Variants in RPTOR observed in about 807,000 individuals in gnomAD.
The protein encoded by RPTOR is regulatory associated protein of MTOR complex 1.
RPTOR carries 21 observed loss-of-function variants against 169.9 expected under a neutral mutation model. The ratio of observed to expected loss-of-function variants is 0.12; its 90% CI spans 0.09 to 0.18. RPTOR has a LOEUF of 0.18. Among genes scored for constraint, RPTOR ranks in the 10% least tolerant of loss-of-function variants. The probability of loss-of-function intolerance (pLI) is 1.00; values close to 1 mark genes in which losing one functional copy is unlikely to be tolerated. For synonymous variants in RPTOR, 732 were observed against 753.2 expected, an observed-to-expected ratio of 0.97 and a Z score of 0.46; for missense variants, 1,133 against 1,855.9, an observed-to-expected ratio of 0.61 and a Z score of 7.16.
At chr17:80,687,408 A>T (rs950797363) in intron 3 of RPTOR, among the ~76,000 whole-genome samples, 1 of 152,220 alleles carries the variant, frequency 6.6e-6, no homozygotes, top group African/African-American at 2.4e-5. Flanking sequence ...TCCACAAGGA[A>T]CCACTGTCTT....
intron 1 of RPTOR, among the ~76,000 whole-genome samples, chr17:80,616,925 C>CTAGTT (rs1461652082): frequency 6.6e-6 from 1 of 152,186 alleles, no homozygotes; most frequent in African/African-American, 2.4e-5. Flanking sequence ...GTCCAGCTTG[C>CTAGTT]TAGTTACCTT....
chr17:80,655,951 A>G (rs2065676301), intron 3 of RPTOR, among the ~76,000 whole-genome samples: 1 of 152,022 alleles, frequency 6.6e-6, no homozygotes, highest in African/African-American at 2.4e-5. Context: ...GATGCCTTAG[A>G]GTGAACACGG....
intron 3 of RPTOR, among the ~76,000 whole-genome samples, chr17:80,671,004 A>C (rs1366966878): frequency 2.0e-5 from 3 of 152,068 alleles, no homozygotes; most frequent in African/African-American, 7.2e-5. Flanking sequence ...TTGCCTCCAT[A>C]TTGAGCCCCT....
At chr17:80,719,570 C>T (rs563958609) in intron 4 of RPTOR, among the ~76,000 whole-genome samples, 1 of 152,168 alleles carries the variant, frequency 6.6e-6, no homozygotes, top group South Asian at 2.1e-4. Context: ...CTGGATTTGC[C>T]GCCGCAGCTT....
chr17:80,913,231 T>G (rs1209102745), intron 21 of RPTOR, among the ~76,000 whole-genome samples: 1 of 152,180 alleles, frequency 6.6e-6, no homozygotes, highest in Non-Finnish European at 1.5e-5. Flanking sequence ...CAAATTTTTG[T>G]TCATCAGAGT....
At chr17:80,642,231 G>A (rs1186932023) in intron 2 of RPTOR, among the ~76,000 whole-genome samples, 1 of 151,992 alleles carries the variant, frequency 6.6e-6, no homozygotes, top group Non-Finnish European at 1.5e-5. Flanking sequence ...CTGCCTCCAG[G>A]GTTCAAGTGA....
At chr17:80,942,094 A>T (rs2069038296) in intron 25 of RPTOR, 1 of 152,190 alleles carries the variant, frequency 6.6e-6, no homozygotes, top group African/African-American at 2.4e-5. Flanking sequence ...TGAACCTTGC[A>T]GCCAGGGTGG....
In RPTOR at chr17:80,700,783, GA is replaced by G. The variant is rs67333617; in HGVS notation, c.349-7057del. On this transcript the variant is annotated intron_variant, in intron 3 of 33. Transcript: ENST00000306801. ...TGGTGATGGTGATGGTAGAGATGAT[GA>G]TGGTGGTGGTGGTGATGATGATGGT... Among the ~76,000 whole-genome samples, 691 of 120,396 alleles carry G rather than the reference GA, an allele frequency of 5.7e-3. 65 individuals carry two copies. Among genetic ancestry groups the G allele is most frequent in the African/African-American group, 8.3e-3 (260 of 31,184 alleles). The allele number at this position is 120,396 out of a possible 152,430, so 79.0% of individuals were successfully genotyped here.
chr17:80,906,823 C>T (rs73355821), intron 20 of RPTOR, among the ~76,000 whole-genome samples: 9,760 of 152,074 alleles, frequency 0.064, 865 homozygotes, highest in African/African-American at 0.2. Flanking sequence ...CGGCTCAGTC[C>T]TGGAGACAAT....
chr17:80,641,418 G>T (rs1010155780), intron 2 of RPTOR, among the ~76,000 whole-genome samples: 1 of 152,320 alleles, frequency 6.6e-6, no homozygotes, highest in East Asian at 1.9e-4. Context: ...ATCTATGGGC[G>T]AAGGCCCTTT....
chr17:80,664,355 C>A (rs573109699), intron 3 of RPTOR, among the ~76,000 whole-genome samples: 3 of 152,168 alleles, frequency 2.0e-5, no homozygotes, highest in Non-Finnish European at 4.4e-5. Context: ...ATAATTCTTA[C>A]ACTCAGTATT....
intron 4 of RPTOR, among the ~76,000 whole-genome samples, chr17:80,719,395 C>T (rs918177266): frequency 3.3e-5 from 5 of 152,116 alleles, no homozygotes; most frequent in African/African-American, 1.2e-4. Context: ...ATAAGCAGCT[C>T]CCCATTTCTG....
At chr17:80,667,270 C>T (rs970887780) in intron 3 of RPTOR, among the ~76,000 whole-genome samples, 8 of 152,056 alleles carry the variant, frequency 5.3e-5, no homozygotes, top group Non-Finnish European at 7.4e-5. Flanking sequence ...GGGGGAAGCT[C>T]CATAGAGGTG....
rs2065638053 is a variant in RPTOR, at chr17:80,651,382, G to A, written c.348+7572G>A. 6.6e-6 allele frequency among the ~76,000 whole-genome samples: 1 copy of A among 152,118 alleles called. No homozygotes were observed. Among genetic ancestry groups the A allele is most frequent in the Admixed American group, 6.5e-5 (1 of 15,278 alleles). On this transcript the variant is annotated intron_variant, in intron 3 of 33. Transcript: ENST00000306801. This position sits in a 1 kb window ranked among gnomAD's most constrained non-coding sequence, Gnocchi z 4.1. ...GATCAATAACAGATTGGAGGGGGAC[G>A]GCCACTTCAAAGTGTCTGCGGTACT...
At chr17:80,958,257 A>AT in intron 29 of RPTOR, among the ~76,000 whole-genome samples, 1 of 147,460 alleles carries the variant, frequency 6.8e-6, no homozygotes, top group East Asian at 2.0e-4. Flanking sequence ...CGCCTGGCTA[A>AT]TTTTTTTAAC....
intron 10 of RPTOR, among the ~76,000 whole-genome samples, chr17:80,840,535 G>A (rs1196839558): frequency 4.0e-4 from 42 of 106,214 alleles, no homozygotes; most frequent in African/African-American, 9.0e-4. Context: ...CACACTCACC[G>A]CACGGCAGCT....
intron 2 of RPTOR, among the ~76,000 whole-genome samples, chr17:80,638,152 G>A (rs1444737318): frequency 6.6e-6 from 1 of 152,248 alleles, no homozygotes; most frequent in Non-Finnish European, 1.5e-5. Flanking sequence ...GCCAGAGAAT[G>A]CTGCGGTAGA....
intron 19 of RPTOR, among the ~76,000 whole-genome samples, chr17:80,893,331 AGGTGTGTGTGCGCCAG>A (rs1202052081): frequency 9.2e-6 from 1 of 108,662 alleles, no homozygotes; most frequent in East Asian, 2.7e-4. Context: ...TGCGCGCGCC[AGGTGTGTGTGCGCCAG>A]GGTGTGTGTG....
At chr17:80,705,993 C>T (rs1046228825) in intron 3 of RPTOR, among the ~76,000 whole-genome samples, 4 of 152,162 alleles carry the variant, frequency 2.6e-5, no homozygotes, top group Admixed American at 1.3e-4. Context: ...CTCCCCTGCA[C>T]GTTCCAAACA....
Sources: allele counts gnomAD v4.1 joint callset (sites outside exome capture counted in the v4.1 genomes callset), GRCh38; gene constraint gnomAD v4.1.1; non-coding constraint Gnocchi (gnomAD v3.1); transcripts MANE v1.5; gene names NCBI Gene and HGNC (gene_info 2026-07-23, HGNC 2026-07-21).